The following TENM2 variants were observed in gnomAD, a reference collection of about 807,000 sequenced individuals.
TENM2 encodes teneurin transmembrane protein 2.
A neutral mutation model predicts 245.2 loss-of-function variants in TENM2; 52 were observed. The ratio of observed to expected loss-of-function variants is 0.21; its 90% CI spans 0.17 to 0.27. TENM2 has a LOEUF of 0.27. TENM2 is among the 10% of genes least tolerant of loss of function. TENM2 has a pLI of 1.00. For synonymous variants in TENM2, 1,363 were observed against 1,438.9 expected, an observed-to-expected ratio of 0.95 and a Z score of 1.19; for missense variants, 3,046 against 3,666.8, an observed-to-expected ratio of 0.83 and a Z score of 4.37.
chr5:167,700,949 T>TAAAAAAAAA (rs781480259), intron 2 of TENM2, among the ~76,000 whole-genome samples: 4 of 79,892 alleles, frequency 5.0e-5, no homozygotes, highest in African/African-American at 4.9e-5. Context: ...TTATATTTCT[T>TAAAAAAAAA]AAAAAAAAAA....
intron 3 of TENM2, among the ~76,000 whole-genome samples, chr5:167,881,239 C>A (rs931641620): frequency 6.6e-6 from 1 of 152,200 alleles, no homozygotes; most frequent in African/African-American, 2.4e-5. Context: ...TAGCTCACAG[C>A]AGTTATTATG....
At position 167,958,546 on chromosome 5, in the gene TENM2, G is replaced by A. The variant is rs148459920; in HGVS notation, c.947+5724G>A. Among the ~76,000 whole-genome samples the A allele has an allele frequency of 7.3e-3, 1,106 of 152,176 alleles. 8 individuals are homozygous for A. The highest frequency in any genetic ancestry group is 0.023 in the African/African-American group (965 of 41,526). ...ATGATGCTAGCTGGTTATTTTGCCC[G>A]TTGGTTGATGTAGTTTCTTCATGGT... On this transcript the variant is annotated intron_variant, in intron 4 of 28. Transcript: ENST00000518659.
rs76796154 is a variant in TENM2 at position 167,720,051 on chromosome 5, T to A, written c.503-155935T>A. On this transcript the variant is annotated intron_variant, in intron 2 of 28. Coordinates refer to ENST00000518659, the Ensembl canonical transcript of TENM2. ...GATCCAATAAACTGAGGAAGCTCTG[T>A]GTCTAATAAACAGATTTCTTTATTA... 8.2e-3 allele frequency among the ~76,000 whole-genome samples: 1,255 copies of A among 152,300 alleles called. 15 individuals are homozygous for A. Among genetic ancestry groups the A allele is most frequent in the Middle Eastern group, 0.031 (9 of 294 alleles).
At chr5:167,913,368 T>C (rs1776694845) in intron 3 of TENM2, among the ~76,000 whole-genome samples, 1 of 152,224 alleles carries the variant, frequency 6.6e-6, no homozygotes, top group Non-Finnish European at 1.5e-5. Context: ...TATTTTCATA[T>C]TGGGCAAGAA....
chr5:168,226,070 C>A lies in TENM2; in HGVS notation c.5109-18C>A. On this transcript the variant is annotated intron_variant, in intron 23 of 28. Coordinates refer to ENST00000518659, the Ensembl canonical transcript of TENM2. ...CTGCTGCTAACCAGGGTTTATCTAT[C>A]TATCTATCTCCCCCCAGCTATGACC... is the stretch of plus-strand genomic sequence containing the variant. 6.2e-7 allele frequency: 1 copy of A among 1,608,244 alleles called. No homozygotes were observed. The highest frequency in any genetic ancestry group is 8.5e-7 in the Non-Finnish European group (1 of 1,177,570).
chr5:167,973,934 C>T, intron 4 of TENM2, among the ~76,000 whole-genome samples: 1 of 146,966 alleles, frequency 6.8e-6, no homozygotes, highest in African/African-American at 2.5e-5. Flanking sequence ...GAGGATACAC[C>T]AGAAAGGGAG....
the TENM2 span, among the ~76,000 whole-genome samples, chr5:167,018,411 CCAAAAAAACA>C: frequency 6.7e-6 from 1 of 150,262 alleles, no homozygotes; most frequent in Non-Finnish European, 1.5e-5. Context: ...AAAAAACCCA[CCAAAAAAACA>C]CAAAAAAACA....
At chr5:167,228,360 A>G in the TENM2 span, among the ~76,000 whole-genome samples, 4 of 151,354 alleles carry the variant, frequency 2.6e-5, no homozygotes, top group Admixed American at 6.6e-5. Context: ...GATCGTGTCT[A>G]TTGTTGAAAC....
exon 1 of TENM2, chr5:167,285,015 C>A: frequency 6.4e-7 from 1 of 1,552,120 alleles, no homozygotes; most frequent in South Asian, 1.2e-5. Flanking sequence ...CTATGGAAAC[C>A]GAGTCACAGA....
At chr5:167,813,856 A>C (rs921329303) in intron 2 of TENM2, among the ~76,000 whole-genome samples, 1 of 152,078 alleles carries the variant, frequency 6.6e-6, no homozygotes, top group Non-Finnish European at 1.5e-5. Context: ...TCTTTCCACC[A>C]TCCTACATAT....
At chr5:167,680,250 G>GA (rs1478850762) in intron 2 of TENM2, among the ~76,000 whole-genome samples, 87 of 149,254 alleles carry the variant, frequency 5.8e-4, no homozygotes, top group Admixed American at 2.0e-4. Context: ...TGGACTTTCA[G>GA]AAAAAAAATA....
At chr5:166,997,486 G>A in the TENM2 span, among the ~76,000 whole-genome samples, 1 of 152,064 alleles carries the variant, frequency 6.6e-6, no homozygotes, top group Non-Finnish European at 1.5e-5. Flanking sequence ...TAGCCATTAT[G>A]GTATAGGGCC....
chr5:167,270,478 T>C, the TENM2 span, among the ~76,000 whole-genome samples: 1 of 152,144 alleles, frequency 6.6e-6, no homozygotes, highest in Non-Finnish European at 1.5e-5. Flanking sequence ...TTTCCAGAAG[T>C]GGAAACTGAG....
Position 168,203,674 on chromosome 5 carries a change from C to G in TENM2, c.3431-15C>G, listed in dbSNP as rs1762113946. ...CTCTTTTCTCTCACTCTGCCCCACC[C>G]CTTTTATCTTTCAGTGTCTGTCGGG... On this transcript the variant is annotated splice_polypyrimidine_tract_variant and intron_variant, in intron 17 of 28. Coordinates refer to ENST00000518659, the Ensembl canonical transcript of TENM2. The G allele has an allele frequency of 2.5e-6, 4 of 1,589,510 alleles. No homozygotes were observed. Among genetic ancestry groups the G allele is most frequent in the Non-Finnish European group, 3.4e-6 (4 of 1,162,344 alleles).
chr5:168,006,356 G>C (rs922752272), intron 5 of TENM2, among the ~76,000 whole-genome samples: 1 of 152,156 alleles, frequency 6.6e-6, no homozygotes, highest in Non-Finnish European at 1.5e-5. Context: ...GGGCGCGAGG[G>C]TTGTCATGCG....
intron 1 of TENM2, among the ~76,000 whole-genome samples, chr5:167,321,799 T>TTTTTTTTTGG (rs1361021247): frequency 5.2e-5 from 1 of 19,206 alleles, no homozygotes; most frequent in African/African-American, 1.9e-4. Flanking sequence ...TTTTTTTTTT[T>TTTTTTTTTGG]TTGGGGGGGG....
chr5:167,086,380 A>G, the TENM2 span, among the ~76,000 whole-genome samples: 13 of 152,138 alleles, frequency 8.5e-5, no homozygotes, highest in Non-Finnish European at 1.5e-5. Context: ...TCTTGGTGAA[A>G]GTTAAGCAGC....
intron 12 of TENM2, among the ~76,000 whole-genome samples, chr5:168,131,621 C>T (rs1404873630): frequency 7.9e-5 from 12 of 152,198 alleles, no homozygotes; most frequent in Admixed American, 7.2e-4. Flanking sequence ...GAGAGTGCTT[C>T]AGAACAATAG....
intron 9 of TENM2, among the ~76,000 whole-genome samples, chr5:168,110,163 G>A (rs1297592345): frequency 6.6e-6 from 1 of 150,638 alleles, no homozygotes; most frequent in African/African-American, 2.4e-5. Context: ...GGGGAATCCT[G>A]TGGTTTATGG....
Sources: allele counts gnomAD v4.1 joint callset (sites outside exome capture counted in the v4.1 genomes callset), GRCh38; gene constraint gnomAD v4.1.1; transcripts MANE v1.5; gene names NCBI Gene and HGNC (gene_info 2026-07-23, HGNC 2026-07-21).